The following PRRG1 variants were observed in gnomAD, a reference collection of about 807,000 sequenced individuals.
PRRG1 encodes the protein proline rich and Gla domain 1, also known as transmembrane gamma-carboxyglutamic acid protein 1.
PRRG1 carries 5 observed loss-of-function variants against 11.8 expected under a neutral mutation model. That is an observed-to-expected ratio of 0.42 (90% CI 0.22 to 0.89). The LOEUF (loss-of-function observed/expected upper bound fraction) is 0.89. Among genes scored for constraint, PRRG1 ranks in the 40% least tolerant of loss-of-function variants. The pLI, the probability that PRRG1 is intolerant of heterozygous loss-of-function variation, is 0.28. For synonymous variants in PRRG1, 66 were observed against 60.4 expected, an observed-to-expected ratio of 1.09 and a Z score of -0.43; for missense variants, 155 against 166.1, an observed-to-expected ratio of 0.93 and a Z score of 0.37.
At chrX:37,420,849 G>A (rs1447179082) in intron 2 of PRRG1, among the ~76,000 whole-genome samples, 2 of 110,100 alleles carry the variant, frequency 1.8e-5, no homozygotes, top group Admixed American at 9.7e-5. Flanking sequence ...GCTACAGAGC[G>A]AAACTCTGTC....
chrX:37,385,226 G>C (rs2146546764), intron 1 of PRRG1, among the ~76,000 whole-genome samples: 1 of 111,736 alleles, frequency 8.9e-6, no homozygotes, highest in East Asian at 2.8e-4. Flanking sequence ...AAAGAAGCTT[G>C]ATCCAAATGA....
intron 1 of PRRG1, among the ~76,000 whole-genome samples, chrX:37,356,592 A>G (rs1930241822): frequency 9.0e-6 from 1 of 110,942 alleles, no homozygotes; most frequent in South Asian, 3.9e-4. Context: ...ATCAAGAACT[A>G]CATACTGGCC....
chrX:37,433,278 C>T (rs913129249), intron 3 of PRRG1, among the ~76,000 whole-genome samples: 7 of 111,809 alleles, frequency 6.3e-5, no homozygotes, highest in Admixed American at 2.9e-4. Flanking sequence ...CAGCTTCACT[C>T]GATATATAGT....
intron 3 of PRRG1, 30 bp downstream of exon 3, chrX:37,426,030 C>T: frequency 8.8e-7 from 1 of 1,133,155 alleles, no homozygotes; most frequent in Non-Finnish European, 1.2e-6. Context: ...AAAAGTTGCA[C>T]AGATTTGCCT....
chrX:37,425,073 A>G (rs952908105), intron 2 of PRRG1, among the ~76,000 whole-genome samples: 1 of 110,800 alleles, frequency 9.0e-6, no homozygotes, highest in Non-Finnish European at 1.9e-5. Context: ...TTGAACTTAA[A>G]ATGTATTTGT....
At chrX:37,397,673 G>A (rs1298615830) in intron 1 of PRRG1, among the ~76,000 whole-genome samples, 1 of 111,778 alleles carries the variant, frequency 8.9e-6, no homozygotes, top group East Asian at 2.8e-4. Flanking sequence ...CAGAGGAAAA[G>A]AGCAGAGGCA....
intron 1 of PRRG1, among the ~76,000 whole-genome samples, chrX:37,400,390 C>T (rs1931925955): frequency 9.0e-6 from 1 of 111,234 alleles, no homozygotes; most frequent in African/African-American, 3.3e-5. Flanking sequence ...CTACTGGGTA[C>T]ATAACGAAAT....
chrX:37,441,101 A>G (rs1556393563), intron 3 of PRRG1: 1 of 924,475 alleles, frequency 1.1e-6, no homozygotes, highest in Non-Finnish European at 1.3e-6. Context: ...CTCAAGGCAA[A>G]CTCTAGACAA....
intron 3 of PRRG1, among the ~76,000 whole-genome samples, chrX:37,449,022 G>A (rs1156439589): frequency 9.0e-6 from 1 of 111,665 alleles, no homozygotes; most frequent in Non-Finnish European, 1.9e-5. Flanking sequence ...TTGACCCAAA[G>A]ATGTTCAGTG....
chrX:37,351,709 A>T (rs782809843), intron 1 of PRRG1, among the ~76,000 whole-genome samples: 3 of 111,619 alleles, frequency 2.7e-5, no homozygotes, highest in Non-Finnish European at 5.6e-5. Context: ...TCTACAGATA[A>T]AGGGAAAATA....
chrX:37,428,106 C>T (rs182293330), intron 3 of PRRG1, among the ~76,000 whole-genome samples: 2 of 111,423 alleles, frequency 1.8e-5, no homozygotes, highest in Admixed American at 9.5e-5. Context: ...TGGGTCTCTA[C>T]CACAACATGT....
intron 2 of PRRG1, among the ~76,000 whole-genome samples, chrX:37,424,075 C>T (rs782579653): frequency 1.3e-4 from 15 of 111,303 alleles, no homozygotes; most frequent in Non-Finnish European, 1.9e-4. Context: ...ACACTCCATC[C>T]TGTTTGCACA....
intron 1 of PRRG1, among the ~76,000 whole-genome samples, chrX:37,364,875 T>C (rs1402027303): frequency 3.6e-5 from 4 of 112,244 alleles, no homozygotes; most frequent in South Asian, 3.7e-4. Flanking sequence ...TAAAACCATA[T>C]ATGAATTGTC....
chrX:37,425,913 A>T lies in PRRG1; in HGVS notation c.84A>T (p.Ile28=). 1 of 1,207,253 alleles carries T rather than the reference A, an allele frequency of 8.3e-7. No individual in the cohort carries two copies. Among genetic ancestry groups the T allele is most frequent in the Non-Finnish European group, 1.1e-6 (1 of 892,820 alleles). The part of the protein sequence containing the change: ...YPRANGFFEE[I]RQGNIERECK... ...GAGCTAATGGGTTTTTTGAAGAAAT[A>T]AGACAGGGCAACATTGAGCGTGAGT... Residue 28 remains isoleucine (I), a synonymous_variant, in exon 3 of 4, where the codon ATA becomes ATT. Coordinates refer to ENST00000378628, the MANE Select transcript of PRRG1 (RefSeq NM_001142395.2).
At chrX:37,393,172 T>C (rs1359606858) in intron 1 of PRRG1, among the ~76,000 whole-genome samples, 1 of 110,959 alleles carries the variant, frequency 9.0e-6, no homozygotes, top group African/African-American at 3.3e-5. Flanking sequence ...AACAGCATTT[T>C]GATGCTCTTC....
At chrX:37,356,676 T>G (rs1189222487) in intron 1 of PRRG1, among the ~76,000 whole-genome samples, 1 of 111,119 alleles carries the variant, frequency 9.0e-6, no homozygotes, top group Non-Finnish European at 1.9e-5. Flanking sequence ...CAGGAAACTC[T>G]AGGAATGGAT....
At chrX:37,407,240 G>A (rs1188653943) in intron 2 of PRRG1, among the ~76,000 whole-genome samples, 2 of 110,512 alleles carry the variant, frequency 1.8e-5, no homozygotes, top group African/African-American at 6.7e-5. Flanking sequence ...AAAGGGGGAG[G>A]TCTGGCCTCT....
intron 3 of PRRG1, among the ~76,000 whole-genome samples, chrX:37,442,860 C>T (rs1414708741): frequency 9.0e-6 from 1 of 111,377 alleles, no homozygotes; most frequent in African/African-American, 3.3e-5. Flanking sequence ...AAATCCTCTA[C>T]TCCTGTTTTT....
chrX:37,420,281 A>G (rs1316971207), intron 2 of PRRG1, among the ~76,000 whole-genome samples: 1 of 111,484 alleles, frequency 9.0e-6, no homozygotes, highest in African/African-American at 3.3e-5. Context: ...CATAAGATTA[A>G]ATTGATTACT....
Sources: allele counts gnomAD v4.1 joint callset (sites outside exome capture counted in the v4.1 genomes callset), GRCh38; gene constraint gnomAD v4.1.1; transcripts MANE v1.5; gene names NCBI Gene and HGNC (gene_info 2026-07-23, HGNC 2026-07-21).